The following F11R variants were observed in gnomAD, a reference collection of about 807,000 sequenced individuals.
The protein encoded by F11R is F11 receptor, also known as junctional adhesion molecule A.
F11R carries 27 observed loss-of-function variants against 39.3 expected under a neutral mutation model. The observed-to-expected ratio is 0.69, with a 90% CI of 0.51 to 0.95. The LOEUF is 0.95. F11R is among the 40% of genes least tolerant of loss of function. The pLI is 0.00. For missense variants in F11R, 335 were observed against 372.7 expected, an observed-to-expected ratio of 0.90 and a Z score of 0.83; for synonymous variants, 131 against 144.9, an observed-to-expected ratio of 0.90 and a Z score of 0.69.
intron 1 of F11R, among the ~76,000 whole-genome samples, chr1:161,005,573 A>G (rs1648756550): frequency 6.6e-6 from 1 of 152,042 alleles, no homozygotes; most frequent in Admixed American, 6.6e-5. Flanking sequence ...AGGTTTCATC[A>G]TGTTGGCCAG....
chr1:161,017,011 G>A (rs1649499009), intron 1 of F11R, among the ~76,000 whole-genome samples: 1 of 152,166 alleles, frequency 6.6e-6, no homozygotes, highest in Non-Finnish European at 1.5e-5. Flanking sequence ...CAAACTCAGG[G>A]TTAAATGGAT....
At chr1:161,002,275 A>C (rs1648538654) in intron 1 of F11R, among the ~76,000 whole-genome samples, 1 of 151,812 alleles carries the variant, frequency 6.6e-6, no homozygotes, top group African/African-American at 2.4e-5. Context: ...AAAAAAAAAA[A>C]AAAAAAAACA....
At position 161,001,115 on chromosome 1, in the gene F11R, G is replaced by A; in HGVS notation, c.146C>T (p.Ser49Phe). The change falls in exon 3 of 10, where the codon TCC becomes TTC. Residue 49 changes from serine (S) to phenylalanine (F), a missense_variant. Transcript: ENST00000368026. ...RIPENNPVKL[S>F]CAYSGFSSPR... Reference sequence around the variant, plus strand: ...AGAAGAAAAGCCCGAGTAGGCACAGGACAACTTCACAGCTGCAGACAGGGT... The same window carrying A: ...AGAAGAAAAGCCCGAGTAGGCACAGAACAACTTCACAGCTGCAGACAGGGT... 2 of 1,614,044 alleles carry A rather than the reference G, an allele frequency of 1.2e-6. No homozygotes were observed. The highest frequency in any genetic ancestry group is 1.7e-6 in the Non-Finnish European group (2 of 1,180,004).
At chr1:161,016,247 C>T (rs1044797046) in intron 1 of F11R, among the ~76,000 whole-genome samples, 3 of 152,002 alleles carry the variant, frequency 2.0e-5, no homozygotes, top group Non-Finnish European at 2.9e-5. Context: ...GAGGCCGTGG[C>T]GGGCAGATCA....
At chr1:161,012,995 C>G (rs1649258206) in intron 1 of F11R, among the ~76,000 whole-genome samples, 1 of 152,086 alleles carries the variant, frequency 6.6e-6, no homozygotes, top group Admixed American at 6.6e-5. Context: ...AGATGAATTA[C>G]ATGTCGTCGG....
intron 1 of F11R, among the ~76,000 whole-genome samples, chr1:161,008,190 C>T (rs762073675): frequency 6.6e-6 from 1 of 152,026 alleles, no homozygotes; most frequent in African/African-American, 2.4e-5. Context: ...GGTTTTGGGC[C>T]CATGTATAGA....
intron 1 of F11R, among the ~76,000 whole-genome samples, chr1:161,012,503 T>C (rs1477214880): frequency 1.3e-5 from 2 of 151,640 alleles, no homozygotes; most frequent in African/African-American, 4.8e-5. Context: ...AAAAAGAATA[T>C]AACAAATTTT....
At chr1:161,008,006 C>T (rs1648922604) in intron 1 of F11R, among the ~76,000 whole-genome samples, 2 of 152,188 alleles carry the variant, frequency 1.3e-5, no homozygotes, top group Non-Finnish European at 2.9e-5. Context: ...TGCACTTAAC[C>T]TTGGGCCCAT....
intron 1 of F11R, among the ~76,000 whole-genome samples, chr1:161,001,695 C>G (rs1294035708): frequency 2.0e-5 from 3 of 152,182 alleles, no homozygotes; most frequent in African/African-American, 7.2e-5. Context: ...GAGAAAGCTT[C>G]TCAACAAATG....
rs893991015 is a variant in F11R at position 160,996,381 on chromosome 1, G to A, written c.*2490C>T. ...AGGAACCATTCACCTCAAATTCACA[G>A]AGCCATGAATCACCTCTGCTTCCCC... On this transcript the variant is annotated 3_prime_UTR_variant, in exon 10 of 10. Transcript: ENST00000368026. 1 of 152,294 alleles carries A rather than the reference G, an allele frequency of 6.6e-6. No individual in the cohort carries two copies. Among genetic ancestry groups the A allele is most frequent in the Non-Finnish European group, 1.5e-5 (1 of 68,030 alleles). 9.4% of individuals were successfully genotyped at this position (152,294 alleles called of 1,614,324 possible). A position where few individuals can be genotyped will look rare whatever the true frequency, so the allele number is the denominator to read the frequency against.
intron 1 of F11R, among the ~76,000 whole-genome samples, chr1:161,003,125 T>TC (rs1648590719): frequency 7.0e-6 from 1 of 143,776 alleles, no homozygotes. Context: ...ATTTTTGTAT[T>TC]TTTTTTTTTT....
In F11R at chr1:160,995,372, C is replaced by G. The variant is rs1648057446; in HGVS notation, c.*3499G>C. 1 of 152,246 alleles carries G rather than the reference C, an allele frequency of 6.6e-6. No individual in the cohort carries two copies. The highest frequency in any genetic ancestry group is 2.4e-5 in the African/African-American group (1 of 41,400). The allele number at this position is 152,246 out of a possible 1,614,324, so 9.4% of individuals were successfully genotyped here. A position where few individuals can be genotyped will look rare whatever the true frequency, so the allele number is the denominator to read the frequency against. On this transcript the variant is annotated 3_prime_UTR_variant, in exon 10 of 10. Coordinates refer to ENST00000368026, the MANE Select transcript of F11R (RefSeq NM_016946.6). Reference sequence around the variant, plus strand: ...CTCCCCTGTCCTTGATCTGTAGATCCTGTTAAGACAGGAAAAACAGTGTTG... The same window carrying G: ...CTCCCCTGTCCTTGATCTGTAGATCGTGTTAAGACAGGAAAAACAGTGTTG...
intron 8 of F11R, 126 bp from the exon 9 acceptor site, chr1:160,999,217 G>T: frequency 7.9e-7 from 1 of 1,258,392 alleles, no homozygotes; most frequent in Non-Finnish European, 1.1e-6. Flanking sequence ...ACAGGTATGG[G>T]TGGGGTAACA....
At chr1:161,009,042 A>G (rs1648981724) in intron 1 of F11R, among the ~76,000 whole-genome samples, 1 of 152,194 alleles carries the variant, frequency 6.6e-6, no homozygotes, top group African/African-American at 2.4e-5. Flanking sequence ...CTCTAGCAAT[A>G]CAAAACTACT....
At chr1:161,001,804 T>C (rs759063888) in intron 1 of F11R, among the ~76,000 whole-genome samples, 1 of 152,200 alleles carries the variant, frequency 6.6e-6, no homozygotes, top group Non-Finnish European at 1.5e-5. Context: ...ATAATAATAA[T>C]ACTCGACATT....
At chr1:161,017,193 T>C (rs1034099248) in intron 1 of F11R, among the ~76,000 whole-genome samples, 4 of 152,140 alleles carry the variant, frequency 2.6e-5, no homozygotes, top group South Asian at 2.1e-4. Flanking sequence ...CCCCATGTGA[T>C]AGTCTGAAAT....
chr1:160,999,597 ATGGGGGCAGTACAAAGGAGAGCCTC>A lies in F11R; in HGVS notation c.802+18_802+42del, dbSNP rs1387224713. 1 of 1,573,376 alleles carries A rather than the reference ATGGGGGCAGTACAAAGGAGAGCCTC, an allele frequency of 6.4e-7. No individual in the cohort carries two copies. The highest frequency in any genetic ancestry group is 1.7e-5 in the Admixed American group (1 of 59,878). ...GATGACACCCATGCCAGGCCCTGGG[ATGGGGGCAGTACAAAGGAGAGCCTC>A]TGGGGGCAGATACTTACTGTCAAAG... On this transcript the variant is annotated intron_variant, in intron 7 of 9. Transcript: ENST00000368026.
chr1:161,018,086 G>T (rs1649562621), intron 1 of F11R, among the ~76,000 whole-genome samples: 1 of 152,154 alleles, frequency 6.6e-6, no homozygotes, highest in Non-Finnish European at 1.5e-5. Flanking sequence ...TCCCTACCTG[G>T]TAGACAGCTG....
intron 1 of F11R, among the ~76,000 whole-genome samples, chr1:161,017,800 C>G (rs1475572519): frequency 6.6e-6 from 1 of 152,226 alleles, no homozygotes; most frequent in African/African-American, 2.4e-5. Flanking sequence ...CAACCCACAC[C>G]TTCACACCAG....
Sources: gnomAD v4.1 joint callset for allele counts (sites outside exome capture counted in the v4.1 genomes callset) on GRCh38, gnomAD v4.1.1 for gene constraint, MANE v1.5 for transcripts, NCBI Gene and HGNC (gene_info 2026-07-23, HGNC 2026-07-21) for gene names.